Variants in DRC10 observed in about 807,000 individuals in gnomAD.
The protein encoded by DRC10 is IQ domain-containing protein D.
the DRC10 span, among the ~76,000 whole-genome samples, chr12:113,218,759 A>G: frequency 6.6e-6 from 1 of 152,002 alleles, no homozygotes. Context: ...CCTCAACTTA[A>G]CATGTTTTTG....
chr12:113,216,558 T>C, the DRC10 span, among the ~76,000 whole-genome samples: 153 of 152,310 alleles, frequency 1.0e-3, no homozygotes, highest in African/African-American at 3.4e-3. Flanking sequence ...GATGTGTCAA[T>C]GTAGGTTCAT....
the DRC10 span, chr12:113,207,557 C>T: frequency 3.3e-4 from 533 of 1,614,122 alleles, no homozygotes; most frequent in South Asian, 1.0e-3. Context: ...TCCCTCGCTT[C>T]CATGGGACTA....
chr12:113,211,380 CAA>C, the DRC10 span, among the ~76,000 whole-genome samples: 5 of 152,244 alleles, frequency 3.3e-5, no homozygotes, highest in East Asian at 9.6e-4. Flanking sequence ...GGCAGGGAAT[CAA>C]AGAAACACCC....
At chr12:113,201,789 C>T in the DRC10 span, among the ~76,000 whole-genome samples, 1 of 152,254 alleles carries the variant, frequency 6.6e-6, no homozygotes, top group Non-Finnish European at 1.5e-5. Context: ...CGGGCATCTG[C>T]TCACTTCCTG....
At chr12:113,203,777 A>ATTTTTT in the DRC10 span, among the ~76,000 whole-genome samples, 163 of 96,964 alleles carry the variant, frequency 1.7e-3, 1 homozygote, top group Non-Finnish European at 2.2e-3. Context: ...TGCCCAGCTA[A>ATTTTTT]TTTTTTTTTT....
chr12:113,219,989 G>A, the DRC10 span, among the ~76,000 whole-genome samples: 1 of 152,076 alleles, frequency 6.6e-6, no homozygotes, highest in African/African-American at 2.4e-5. Context: ...TGTATTTTTA[G>A]TAGAGACAGG....
At chr12:113,197,396 T>G in the DRC10 span, 2 of 624,926 alleles carry the variant, frequency 3.2e-6, no homozygotes, top group Non-Finnish European at 5.6e-6. Context: ...GGACAAACCC[T>G]TTAAACAAAG....
the DRC10 span, among the ~76,000 whole-genome samples, chr12:113,198,982 G>C: frequency 1.4e-4 from 21 of 152,132 alleles, no homozygotes; most frequent in South Asian, 1.5e-3. Flanking sequence ...CTGTCACCCA[G>C]GCTGGAGTGC....
chr12:113,200,351 C>T, the DRC10 span: 6 of 679,702 alleles, frequency 8.8e-6, no homozygotes, highest in Non-Finnish European at 1.3e-5. Flanking sequence ...CCAGTTTGTC[C>T]CCTGTCCCCA....
At chr12:113,218,594 C>T in the DRC10 span, among the ~76,000 whole-genome samples, 1 of 152,114 alleles carries the variant, frequency 6.6e-6, no homozygotes, top group Admixed American at 6.5e-5. Context: ...AGGTGCATAC[C>T]ACCATGCCTG....
the DRC10 span, chr12:113,200,058 A>G: frequency 3.9e-6 from 1 of 258,824 alleles, no homozygotes; most frequent in South Asian, 3.7e-5. Flanking sequence ...GTCAGAAATG[A>G]TATTTATTGA....
chr12:113,202,498 G>C, the DRC10 span, among the ~76,000 whole-genome samples: 1 of 152,214 alleles, frequency 6.6e-6, no homozygotes, highest in East Asian at 1.9e-4. Flanking sequence ...TCTCCCCAGA[G>C]AGGCTGTGGG....
At chr12:113,211,040 G>A in the DRC10 span, among the ~76,000 whole-genome samples, 1 of 152,116 alleles carries the variant, frequency 6.6e-6, no homozygotes, top group Non-Finnish European at 1.5e-5. Flanking sequence ...GACATTTGGA[G>A]GGGAGGACAA....
chr12:113,218,240 G>A, the DRC10 span, among the ~76,000 whole-genome samples: 2 of 151,290 alleles, frequency 1.3e-5, no homozygotes, highest in African/African-American at 2.4e-5. Flanking sequence ...GGGTTCAAGC[G>A]ATTCTCCTGC....
chr12:113,200,508 G>C, the DRC10 span: 34 of 1,133,742 alleles, frequency 3.0e-5, no homozygotes, highest in South Asian at 3.4e-4. Context: ...ACCTCCAGGA[G>C]TGATGGAACA....
the DRC10 span, among the ~76,000 whole-genome samples, chr12:113,219,069 T>C: frequency 1.6e-4 from 24 of 152,318 alleles, no homozygotes; most frequent in South Asian, 2.9e-3. Flanking sequence ...AGGGTCTCAC[T>C]CTGTCACATA....
chr12:113,213,199 A>G, the DRC10 span, among the ~76,000 whole-genome samples: 2 of 150,674 alleles, frequency 1.3e-5, no homozygotes, highest in South Asian at 2.1e-4. Flanking sequence ...AAAAAAAAAA[A>G]AAAAACCAAA....
chr12:113,216,329 A>G, the DRC10 span, among the ~76,000 whole-genome samples: 1 of 152,226 alleles, frequency 6.6e-6, no homozygotes, highest in African/African-American at 2.4e-5. Context: ...CAAAGGCAAA[A>G]CTATGGAGAT....
At chr12:113,198,435 A>G in the DRC10 span, among the ~76,000 whole-genome samples, 1 of 152,188 alleles carries the variant, frequency 6.6e-6, no homozygotes, top group Non-Finnish European at 1.5e-5. Context: ...TTGTTTTTAA[A>G]AGATTATTTC....
Sources: allele counts gnomAD v4.1 joint callset (sites outside exome capture counted in the v4.1 genomes callset), GRCh38; gene constraint gnomAD v4.1.1; transcripts MANE v1.5; gene names NCBI Gene and HGNC (gene_info 2026-07-23, HGNC 2026-07-21).